BCKDHB: variants seen among roughly 807,000 people sequenced by gnomAD.
BCKDHB encodes 2-oxoisovalerate dehydrogenase subunit beta, mitochondrial.
A neutral mutation model predicts 48.5 loss-of-function variants in BCKDHB; 41 were observed. The ratio of observed to expected loss-of-function variants is 0.85; its 90% CI spans 0.66 to 1.10. BCKDHB has a LOEUF of 1.10. Ranked by LOEUF, BCKDHB falls within the 50% of genes least tolerant of loss-of-function variation. The pLI is 0.00. For synonymous variants in BCKDHB, 201 were observed against 174.8 expected (o/e 1.15, Z -1.18); for missense variants, 496 against 494.2 (o/e 1.00, Z -0.03).
At chr6:80,265,861 G>A (rs1777493972) in intron 8 of BCKDHB, among the ~76,000 whole-genome samples, 1 of 152,086 alleles carries the variant, frequency 6.6e-6, no homozygotes, top group African/African-American at 2.4e-5. Context: ...TAATGACAGT[G>A]GTCTTTATGG....
the BCKDHB span, among the ~76,000 whole-genome samples, chr6:80,455,935 C>T: frequency 3.7e-4 from 57 of 152,202 alleles, no homozygotes; most frequent in African/African-American, 1.3e-3. Context: ...TTTTAAATAA[C>T]AAACCTTCGC....
At chr6:80,115,275 G>T (rs1197220746) in intron 1 of BCKDHB, among the ~76,000 whole-genome samples, 1 of 152,124 alleles carries the variant, frequency 6.6e-6, no homozygotes, top group Non-Finnish European at 1.5e-5. Flanking sequence ...AGCCTCTTGA[G>T]TAGTTGGGAC....
At chr6:80,173,290 T>C (rs986490321) in intron 6 of BCKDHB, among the ~76,000 whole-genome samples, 3 of 152,074 alleles carry the variant, frequency 2.0e-5, no homozygotes, top group Admixed American at 1.3e-4. Flanking sequence ...CCATGCTTGA[T>C]CATGTATCAT....
intron 8 of BCKDHB, among the ~76,000 whole-genome samples, chr6:80,234,403 C>G (rs1320496836): frequency 1.3e-5 from 2 of 151,744 alleles, no homozygotes; most frequent in Non-Finnish European, 2.9e-5. Context: ...TTTATGTGCT[C>G]AGCTGGAGGG....
the BCKDHB span, among the ~76,000 whole-genome samples, chr6:80,429,293 G>C: frequency 1.1e-4 from 16 of 151,994 alleles, no homozygotes; most frequent in Admixed American, 1.0e-3. Context: ...TATAGTTTGA[G>C]TTCAGGTAGC....
intron 8 of BCKDHB, among the ~76,000 whole-genome samples, chr6:80,203,956 C>A: frequency 1.0e-5 from 1 of 97,892 alleles, no homozygotes; most frequent in African/African-American, 5.1e-5. Context: ...TCAATTAAGT[C>A]TAGCTACATG....
chr6:80,381,391 C>T, the BCKDHB span, among the ~76,000 whole-genome samples: 3 of 151,994 alleles, frequency 2.0e-5, no homozygotes, highest in Non-Finnish European at 4.4e-5. Flanking sequence ...ATATATTTTG[C>T]CTTTTGTACA....
chr6:80,356,343 T>C, the BCKDHB span: 1 of 152,190 alleles, frequency 6.6e-6, no homozygotes, highest in Non-Finnish European at 1.5e-5. Context: ...AATAAAAGTG[T>C]TCAAATAGAT....
At chr6:80,252,225 T>C (rs1776865825) in intron 8 of BCKDHB, among the ~76,000 whole-genome samples, 1 of 152,306 alleles carries the variant, frequency 6.6e-6, no homozygotes, top group Non-Finnish European at 1.5e-5. Flanking sequence ...ATGCTGAAGT[T>C]GCATTTTAAA....
At chr6:80,233,720 T>G (rs935439981) in intron 8 of BCKDHB, among the ~76,000 whole-genome samples, 2 of 152,226 alleles carry the variant, frequency 1.3e-5, no homozygotes, top group Non-Finnish European at 2.9e-5. Context: ...AGGGACTCAA[T>G]TTGTTAGACT....
chr6:80,462,130 C>T, the BCKDHB span, among the ~76,000 whole-genome samples: 1 of 152,072 alleles, frequency 6.6e-6, no homozygotes, highest in Non-Finnish European at 1.5e-5. Flanking sequence ...TAGCATTAAA[C>T]ACATATTGTC....
the BCKDHB span, among the ~76,000 whole-genome samples, chr6:80,369,012 C>CA: frequency 0.32 from 6,197 of 19,312 alleles, 604 homozygotes; most frequent in African/African-American, 0.33. Flanking sequence ...GACTCCATCT[C>CA]AAAAAAAAAA....
chr6:80,142,644 C>A (rs1771280199), intron 3 of BCKDHB, among the ~76,000 whole-genome samples: 1 of 151,962 alleles, frequency 6.6e-6, no homozygotes, highest in Non-Finnish European at 1.5e-5. Context: ...CTTTTGATTA[C>A]CATGCTGCAA....
At chr6:80,175,979 T>C (rs1446444667) in intron 6 of BCKDHB, among the ~76,000 whole-genome samples, 4 of 152,162 alleles carry the variant, frequency 2.6e-5, no homozygotes, top group African/African-American at 9.7e-5. Flanking sequence ...CTACAGTGGA[T>C]TGGAACTTAG....
At position 80,171,282 on chromosome 6, in the gene BCKDHB, G is replaced by T; in HGVS notation, c.634G>T (p.Val212Leu). ...AFFAHCPGIK[V>L]VIPRSPFQAK... is the part of the protein sequence containing the mutation. ...GTCTTAAAAAAATCTGTTTTTGCAG[G>T]TGGTTATACCCAGAAGCCCTTTCCA... Residue 212 changes from valine (V) to leucine (L), a missense_variant and splice_region_variant, in exon 6 of 10, where the codon GTG becomes TTG. By Grantham distance (32) the Val-to-Leu change is conservative. Transcript: ENST00000320393. 6.3e-7 allele frequency: 1 copy of T among 1,597,226 alleles called. No individual in the cohort carries two copies.
At chr6:80,398,923 A>G in the BCKDHB span, among the ~76,000 whole-genome samples, 28 of 152,142 alleles carry the variant, frequency 1.8e-4, no homozygotes, top group South Asian at 5.0e-3. Context: ...TATCCCTGGG[A>G]TGGATGCATG....
chr6:80,125,236 T>A, intron 1 of BCKDHB, among the ~76,000 whole-genome samples: 1 of 152,172 alleles, frequency 6.6e-6, no homozygotes, highest in Non-Finnish European at 1.5e-5. Flanking sequence ...ATCTTCAGAT[T>A]TTTCTTCGGC....
chr6:80,257,823 TC>T (rs1365193255), intron 8 of BCKDHB, among the ~76,000 whole-genome samples: 1 of 151,996 alleles, frequency 6.6e-6, no homozygotes, highest in Non-Finnish European at 1.5e-5. Flanking sequence ...GAAGGATATA[TC>T]CCAGCCCAGC....
At chr6:80,381,257 A>T in the BCKDHB span, among the ~76,000 whole-genome samples, 1 of 151,938 alleles carries the variant, frequency 6.6e-6, no homozygotes, top group Non-Finnish European at 1.5e-5. Context: ...CATCAAGCTC[A>T]ATGACACCTC....
Sources: allele counts gnomAD v4.1 joint callset (sites outside exome capture counted in the v4.1 genomes callset), GRCh38; gene constraint gnomAD v4.1.1; transcripts MANE v1.5; gene names NCBI Gene and HGNC (gene_info 2026-07-23, HGNC 2026-07-21).